Variants in DPH6 observed in about 807,000 individuals in gnomAD.
The protein encoded by DPH6 is diphthine--ammonia ligase.
DPH6 carries 33 observed loss-of-function variants against 38.2 expected under a neutral mutation model. That is an observed-to-expected ratio of 0.86 (90% confidence interval 0.65 to 1.15). The LOEUF (loss-of-function observed/expected upper bound fraction) is 1.15. DPH6 is among the 50% of genes most tolerant of loss of function. DPH6 has a pLI of 0.00. For missense variants in DPH6, 325 were observed against 320.0 expected (o/e 1.02, Z -0.12); for synonymous variants, 108 against 103.0 (o/e 1.05, Z -0.30).
At chr15:35,485,401 C>T (rs2054384040) in intron 3 of DPH6, among the ~76,000 whole-genome samples, 1 of 152,210 alleles carries the variant, frequency 6.6e-6, no homozygotes, top group Non-Finnish European at 1.5e-5. Flanking sequence ...ACTAAATTGA[C>T]TCACTTTCCT....
At chr15:35,512,738 T>G (rs1053118652) in intron 3 of DPH6, among the ~76,000 whole-genome samples, 3 of 152,118 alleles carry the variant, frequency 2.0e-5, no homozygotes, top group African/African-American at 7.2e-5. Context: ...AAAAAAAGAC[T>G]TTGAATTTTA....
chr15:35,358,879 C>T (rs1595499130), intron 3 of DPH6, among the ~76,000 whole-genome samples: 1 of 152,146 alleles, frequency 6.6e-6, no homozygotes, highest in Admixed American at 6.5e-5. Context: ...GGAGGTGGCA[C>T]TTTCCAGAGA....
chr15:35,283,846 A>G (rs1364717921), intron 3 of DPH6, among the ~76,000 whole-genome samples: 1 of 151,946 alleles, frequency 6.6e-6, no homozygotes, highest in Non-Finnish European at 1.5e-5. Flanking sequence ...TCGACATCCA[A>G]TATGTAAGAT....
chr15:35,426,917 C>T (rs1358483286), intron 5 of DPH6, among the ~76,000 whole-genome samples: 2 of 147,454 alleles, frequency 1.4e-5, no homozygotes, highest in Non-Finnish European at 3.0e-5. Flanking sequence ...TTTATGAACA[C>T]GTTGAAAATA....
chr15:35,445,887 A>G (rs928718276), intron 5 of DPH6, among the ~76,000 whole-genome samples: 2 of 152,230 alleles, frequency 1.3e-5, no homozygotes, highest in African/African-American at 4.8e-5. Context: ...TCTCTGCATG[A>G]GCAGAGCAGT....
chr15:35,377,971 G>C (rs1039571887), intron 7 of DPH6, among the ~76,000 whole-genome samples: 2 of 151,946 alleles, frequency 1.3e-5, no homozygotes, highest in East Asian at 1.9e-4. Flanking sequence ...CTGGCCTCAA[G>C]TGATCTTCTT....
chr15:35,333,965 T>C (rs2052347718), intron 3 of DPH6, among the ~76,000 whole-genome samples: 1 of 152,054 alleles, frequency 6.6e-6, no homozygotes, highest in Admixed American at 6.6e-5. Flanking sequence ...CAAGATCTTG[T>C]CCTTTGCAGG....
At chr15:35,247,924 C>T (rs1330712894) in intron 3 of DPH6, among the ~76,000 whole-genome samples, 12 of 152,134 alleles carry the variant, frequency 7.9e-5, no homozygotes, top group Non-Finnish European at 1.5e-4. Flanking sequence ...AAGCCTGGAA[C>T]CCTGATTAAC....
intron 3 of DPH6, among the ~76,000 whole-genome samples, chr15:35,266,899 C>T (rs894860415): frequency 6.6e-6 from 1 of 152,048 alleles, no homozygotes; most frequent in Admixed American, 6.6e-5. Flanking sequence ...TAATACATAA[C>T]ATTAATACAG....
chr15:35,534,064 A>G (rs2055129558), intron 3 of DPH6, among the ~76,000 whole-genome samples: 1 of 152,080 alleles, frequency 6.6e-6, no homozygotes, highest in African/African-American at 2.4e-5. Flanking sequence ...AAAACTAAGA[A>G]AAAAAAACAT....
intron 3 of DPH6, among the ~76,000 whole-genome samples, chr15:35,501,897 T>C (rs1443137005): frequency 2.0e-5 from 3 of 152,132 alleles, no homozygotes; most frequent in Admixed American, 6.6e-5. Flanking sequence ...ACTCATCCAA[T>C]TTAAGTTTAG....
the DPH6 span, among the ~76,000 whole-genome samples, chr15:35,158,287 GA>G: frequency 2.0e-5 from 3 of 152,074 alleles, no homozygotes; most frequent in African/African-American, 7.2e-5. Flanking sequence ...TTTATATCTT[GA>G]TTGGCTATAT....
intron 3 of DPH6, among the ~76,000 whole-genome samples, chr15:35,509,895 C>T (rs1210162687): frequency 7.2e-5 from 11 of 152,106 alleles, no homozygotes; most frequent in Non-Finnish European, 1.3e-4. Flanking sequence ...ATGTTGTAAA[C>T]CAAGAAACTT....
intron 3 of DPH6, among the ~76,000 whole-genome samples, chr15:35,352,315 A>G (rs943477609): frequency 6.6e-6 from 1 of 151,994 alleles, no homozygotes; most frequent in Non-Finnish European, 1.5e-5. Flanking sequence ...GTTTTAGGGT[A>G]CATGTGCACA....
Position 35,424,359 on chromosome 15 carries a change from A to G in DPH6, c.506-13463T>C, listed in dbSNP as rs558104048. Among the ~76,000 whole-genome samples, 7 of 151,452 alleles carry G rather than the reference A, an allele frequency of 4.6e-5. No individual in the cohort carries two copies. In the South Asian group the frequency reaches 1.5e-3, roughly 32 times the overall value. On this transcript the variant is annotated intron_variant, in intron 5 of 8. Coordinates refer to ENST00000256538, the MANE Select transcript of DPH6 (RefSeq NM_080650.4). ...TGTTTTCTTGATTTCCTTTTCAGATAGTTTGTTATTTGCATATAGAAATGC... is the reference window on the plus strand; with the variant it reads ...TGTTTTCTTGATTTCCTTTTCAGATGGTTTGTTATTTGCATATAGAAATGC...
chr15:35,351,948 G>A (rs2052515504), intron 3 of DPH6, among the ~76,000 whole-genome samples: 1 of 152,024 alleles, frequency 6.6e-6, no homozygotes, highest in South Asian at 2.1e-4. Context: ...TCAAACTCCT[G>A]GGCTCAAGCA....
At chr15:35,410,619 G>T (rs989279548) in intron 6 of DPH6, among the ~76,000 whole-genome samples, 1 of 151,480 alleles carries the variant, frequency 6.6e-6, no homozygotes, top group Non-Finnish European at 1.5e-5. Context: ...TTCTTCTTAG[G>T]TATAACTGTG....
chr15:35,193,668 G>T, the DPH6 span, among the ~76,000 whole-genome samples: 4 of 152,170 alleles, frequency 2.6e-5, no homozygotes, highest in Admixed American at 2.6e-4. Context: ...ACTACAAACA[G>T]TCTTGGTTCG....
intron 3 of DPH6, among the ~76,000 whole-genome samples, chr15:35,490,700 G>A (rs914514850): frequency 1.3e-5 from 2 of 152,062 alleles, no homozygotes; most frequent in African/African-American, 2.4e-5. Flanking sequence ...CCATCTTTCC[G>A]TTTGGAAAAT....
Sources: allele counts gnomAD v4.1 joint callset (sites outside exome capture counted in the v4.1 genomes callset), GRCh38; gene constraint gnomAD v4.1.1; transcripts MANE v1.5; gene names NCBI Gene and HGNC (gene_info 2026-07-23, HGNC 2026-07-21).